FAM47E: variants seen among roughly 807,000 people sequenced by gnomAD.
FAM47E encodes family with sequence similarity 47 member E, also known as protein FAM47E.
FAM47E carries 32 observed loss-of-function variants against 41.6 expected under a neutral mutation model. The observed-to-expected ratio is 0.77, with a 90% CI of 0.58 to 1.03. The LOEUF (loss-of-function observed/expected upper bound fraction) is 1.03, where lower values mean the gene tolerates loss of function less well. FAM47E is among the 50% of genes least tolerant of loss of function. The pLI, the probability that FAM47E is intolerant of heterozygous loss-of-function variation, is 0.00. For synonymous variants in FAM47E, 184 were observed against 188.7 expected (o/e 0.98, Z 0.20); for missense variants, 424 against 485.4 (o/e 0.87, Z 1.19).
intron 2 of FAM47E, among the ~76,000 whole-genome samples, chr4:76,222,605 G>A (rs997224333): frequency 3.3e-5 from 5 of 152,106 alleles, no homozygotes; most frequent in East Asian, 1.9e-4. Context: ...CTCAAGTTCC[G>A]GGTAATCATC....
At chr4:76,219,409 G>A (rs1237605329) in intron 2 of FAM47E, among the ~76,000 whole-genome samples, 2 of 152,216 alleles carry the variant, frequency 1.3e-5, no homozygotes, top group East Asian at 3.8e-4. Flanking sequence ...GTACTTTCTA[G>A]AAGCAAATGA....
At chr4:76,263,909 C>G in intron 3 of FAM47E, 66 bp downstream of exon 3, 1 of 1,511,624 alleles carries the variant, frequency 6.6e-7, no homozygotes, top group Middle Eastern at 1.7e-4. Context: ...GAATTACCTT[C>G]TTAAAACTTC....
chr4:76,220,007 G>A (rs1309375672), intron 2 of FAM47E, among the ~76,000 whole-genome samples: 1 of 152,184 alleles, frequency 6.6e-6, no homozygotes, highest in African/African-American at 2.4e-5. Context: ...GAATATTAAT[G>A]AGTAGTGTTT....
At chr4:76,218,049 C>T (rs759882796) in intron 2 of FAM47E, among the ~76,000 whole-genome samples, 5 of 152,178 alleles carry the variant, frequency 3.3e-5, no homozygotes, top group African/African-American at 7.2e-5. Flanking sequence ...CACCACAGGC[C>T]GGGCCAGGTG....
intron 2 of FAM47E, among the ~76,000 whole-genome samples, chr4:76,223,040 C>A (rs1051396358): frequency 2.0e-5 from 3 of 152,156 alleles, no homozygotes; most frequent in Non-Finnish European, 2.9e-5. Flanking sequence ...ATTGCACACC[C>A]CTTCAAAGCC....
At chr4:76,245,241 C>CT (rs1455345134) in intron 2 of FAM47E, among the ~76,000 whole-genome samples, 1 of 152,118 alleles carries the variant, frequency 6.6e-6, no homozygotes, top group African/African-American at 2.4e-5. Flanking sequence ...AGAAGCCACT[C>CT]TAAGTGTGTA....
At chr4:76,255,278 G>A (rs1734139720) in intron 1 of FAM47E, among the ~76,000 whole-genome samples, 1 of 152,008 alleles carries the variant, frequency 6.6e-6, no homozygotes, top group Non-Finnish European at 1.5e-5. Flanking sequence ...TAACTTCTTT[G>A]TGCTCAATTT....
intron 2 of FAM47E, among the ~76,000 whole-genome samples, chr4:76,222,567 C>T (rs748560302): frequency 6.6e-6 from 1 of 152,162 alleles, no homozygotes; most frequent in Non-Finnish European, 1.5e-5. Flanking sequence ...TCTCCGCTGC[C>T]TCCACCAGCC....
At chr4:76,248,862 T>C (rs1733890156), upstream of FAM47E, among the ~76,000 whole-genome samples, 1 of 152,172 alleles carries the variant, frequency 6.6e-6, no homozygotes, top group South Asian at 2.1e-4. Flanking sequence ...AGTGAGTATA[T>C]GTTATTTAAG....
chr4:76,248,071 C>A (rs192429343), upstream of FAM47E, among the ~76,000 whole-genome samples: 2 of 151,558 alleles, frequency 1.3e-5, no homozygotes, highest in Non-Finnish European at 1.5e-5. Context: ...CCCACCACCA[C>A]GCCTGGCTAA....
chr4:76,249,257 T>G (rs956195713), upstream of FAM47E, among the ~76,000 whole-genome samples: 14 of 151,824 alleles, frequency 9.2e-5, no homozygotes, highest in African/African-American at 3.4e-4. Context: ...AACAAAAAAA[T>G]AGAACTTTAA....
chr4:76,276,844 A>C (rs1165537936), intron 5 of FAM47E, among the ~76,000 whole-genome samples: 31 of 152,164 alleles, frequency 2.0e-4, no homozygotes. Context: ...GAACAGAGAG[A>C]TCACAATGCT....
chr4:76,276,360 TTTTG>T (rs796747162), intron 5 of FAM47E, among the ~76,000 whole-genome samples: 18 of 57,722 alleles, frequency 3.1e-4, no homozygotes, highest in Admixed American at 2.6e-3. Context: ...GGTTACTTTT[TTTTG>T]TTTGTTTGTT....
At chr4:76,224,439 C>A (rs1050400269) in intron 2 of FAM47E, among the ~76,000 whole-genome samples, 1 of 152,126 alleles carries the variant, frequency 6.6e-6, no homozygotes, top group South Asian at 2.1e-4. Context: ...GGGTTCACTC[C>A]CAAGTCCTTA....
At chr4:76,268,631 T>C in intron 3 of FAM47E, 29 bp from the exon 4 acceptor site, 2 of 1,545,614 alleles carry the variant, frequency 1.3e-6, no homozygotes, top group Non-Finnish European at 8.7e-7. Flanking sequence ...GTGTCTCATA[T>C]TGTAATTCTT....
At chr4:76,232,436 A>G (rs1325328916) in intron 2 of FAM47E, among the ~76,000 whole-genome samples, 1 of 152,238 alleles carries the variant, frequency 6.6e-6, no homozygotes. Context: ...GATTAAAACA[A>G]GACAACAATT....
chr4:76,249,926 A>C (rs189972875), upstream of FAM47E, among the ~76,000 whole-genome samples: 20 of 152,100 alleles, frequency 1.3e-4, no homozygotes, highest in African/African-American at 4.6e-4. Context: ...ATATATACAC[A>C]TATATACCAC....
chr4:76,223,830 C>T (rs891775478), intron 2 of FAM47E, among the ~76,000 whole-genome samples: 1 of 151,240 alleles, frequency 6.6e-6, no homozygotes, highest in Non-Finnish European at 1.5e-5. Context: ...GAGAGTGTCC[C>T]TGGCCTGCTT....
chr4:76,255,986 G>A (rs1221324956), intron 1 of FAM47E, among the ~76,000 whole-genome samples, 192 bp from the exon 2 acceptor site: 1 of 152,132 alleles, frequency 6.6e-6, no homozygotes, highest in East Asian at 1.9e-4. Flanking sequence ...TTTGTACGGA[G>A]CAGCAATTCT....
Sources: allele counts gnomAD v4.1 joint callset (sites outside exome capture counted in the v4.1 genomes callset), GRCh38; gene constraint gnomAD v4.1.1; transcripts MANE v1.5; gene names NCBI Gene and HGNC (gene_info 2026-07-23, HGNC 2026-07-21).